SETBP1: variants seen among roughly 807,000 people sequenced by gnomAD.
SETBP1 encodes SET-binding protein.
A neutral mutation model predicts 101.0 loss-of-function variants in SETBP1; 9 were observed. The ratio of observed to expected loss-of-function variants is 0.09; its 90% CI spans 0.05 to 0.16. The LOEUF (loss-of-function observed/expected upper bound fraction) is 0.16. Ranked by LOEUF, SETBP1 falls within the 10% of genes least tolerant of loss-of-function variation. The pLI, the probability that SETBP1 is intolerant of heterozygous loss-of-function variation, is 1.00. For synonymous variants in SETBP1, 818 were observed against 788.5 expected (o/e 1.04, Z -0.63); for missense variants, 1,858 against 2,033.8 (o/e 0.91, Z 1.66).
chr18:44,733,964 G>C (rs1383686649), intron 2 of SETBP1, among the ~76,000 whole-genome samples: 1 of 152,150 alleles, frequency 6.6e-6, no homozygotes, highest in Non-Finnish European at 1.5e-5. Flanking sequence ...GATCTGCCCG[G>C]TCCAAAAGTT....
At chr18:45,004,631 C>T (rs1274379262) in intron 4 of SETBP1, among the ~76,000 whole-genome samples, 4 of 152,220 alleles carry the variant, frequency 2.6e-5, no homozygotes, top group Non-Finnish European at 5.9e-5. Flanking sequence ...CACCTGACAG[C>T]CTTTCCACCA....
At chr18:44,833,289 G>C (rs1230584762) in intron 2 of SETBP1, among the ~76,000 whole-genome samples, 1 of 152,234 alleles carries the variant, frequency 6.6e-6, no homozygotes, top group Non-Finnish European at 1.5e-5. Flanking sequence ...CAGCAGTTGT[G>C]TTTAAGGTGG....
chr18:44,847,521 C>T (rs2072748415), intron 2 of SETBP1, among the ~76,000 whole-genome samples: 2 of 152,168 alleles, frequency 1.3e-5, no homozygotes, highest in South Asian at 4.1e-4. Context: ...TGGCTCGAAG[C>T]AAGCCCATCT....
chr18:45,006,625 C>T (rs1011050728), intron 4 of SETBP1, among the ~76,000 whole-genome samples: 1 of 152,134 alleles, frequency 6.6e-6, no homozygotes, highest in Non-Finnish European at 1.5e-5. Flanking sequence ...ATGGCATTCG[C>T]CCTGTGTACA....
intron 2 of SETBP1, among the ~76,000 whole-genome samples, chr18:44,784,418 A>G (rs1306081408): frequency 6.6e-6 from 1 of 152,176 alleles, no homozygotes; most frequent in South Asian, 2.1e-4. Context: ...ACTTGCTATG[A>G]TCTGTTCTCT....
intron 2 of SETBP1, among the ~76,000 whole-genome samples, chr18:44,777,678 CA>C (rs2071033918): frequency 6.6e-6 from 1 of 152,174 alleles, no homozygotes; most frequent in South Asian, 2.1e-4. Flanking sequence ...AGGAGGAAAG[CA>C]GGGATGCATG....
At chr18:44,790,884 C>A (rs2071357241) in intron 2 of SETBP1, among the ~76,000 whole-genome samples, 1 of 152,256 alleles carries the variant, frequency 6.6e-6, no homozygotes, top group East Asian at 1.9e-4. Context: ...AGAGTCCACC[C>A]TGAACGAACA....
At chr18:44,858,437 G>A (rs2073017423) in intron 2 of SETBP1, among the ~76,000 whole-genome samples, 2 of 152,202 alleles carry the variant, frequency 1.3e-5, no homozygotes, top group African/African-American at 4.8e-5. Context: ...CAATGGCAAA[G>A]CATACAAGCA....
chr18:44,752,875 T>G (rs1222886906), intron 2 of SETBP1, among the ~76,000 whole-genome samples: 2 of 152,194 alleles, frequency 1.3e-5, no homozygotes, highest in Non-Finnish European at 2.9e-5. Flanking sequence ...CAATTTTGTA[T>G]ATATGTGCAT....
At chr18:44,877,276 T>C in intron 3 of SETBP1, 2 of 659,882 alleles carry the variant, frequency 3.0e-6, no homozygotes, top group Non-Finnish European at 3.8e-6. Context: ...TGTCTTATAG[T>C]ATTTTACCAA....
intron 3 of SETBP1, among the ~76,000 whole-genome samples, chr18:44,899,609 C>T (rs1456757834): frequency 1.3e-5 from 2 of 152,164 alleles, no homozygotes. Flanking sequence ...CTTAGAAGAT[C>T]TCACACTTGG....
rs189935307 is a variant in SETBP1, at chr18:44,865,289, G to A, written c.487-3941G>A. Among the ~76,000 whole-genome samples, 553 of 152,226 alleles carry A rather than the reference G, an allele frequency of 3.6e-3. 2 individuals carry two copies. The highest frequency in any genetic ancestry group is 6.0e-3 in the South Asian group (29 of 4,820). Reference sequence around the variant, plus strand: ...CAAACATTGGTTTTCAACTGAAGTCGCATACAAGAACCAGGGAAAAGCAGA... The same window carrying A: ...CAAACATTGGTTTTCAACTGAAGTCACATACAAGAACCAGGGAAAAGCAGA... On this transcript the variant is annotated intron_variant, in intron 2 of 5. Transcript: ENST00000649279.
At position 45,063,758 on chromosome 18, in the gene SETBP1, G is replaced by A. The variant is rs892654087; in HGVS notation, c.*60G>A. 2.4e-5 allele frequency: 37 copies of A among 1,546,818 alleles called. 1 individual carries two copies. In the South Asian group the frequency reaches 3.3e-4, roughly 14 times the overall value. Reference sequence around the variant, plus strand: ...AACTGACACGTGGGAAGCGCAGTGAGCCGGGGCGGGGGCGGAATCCCCCGC... The same window carrying A: ...AACTGACACGTGGGAAGCGCAGTGAACCGGGGCGGGGGCGGAATCCCCCGC... On this transcript the variant is annotated 3_prime_UTR_variant, in exon 6 of 6. Coordinates refer to ENST00000649279, the MANE Select transcript of SETBP1 (RefSeq NM_015559.3).
intron 3 of SETBP1, among the ~76,000 whole-genome samples, chr18:44,898,260 C>T (rs2069955510): frequency 6.6e-6 from 1 of 152,124 alleles, no homozygotes; most frequent in African/African-American, 2.4e-5. Context: ...CACTATTAAG[C>T]ACCAATGGGT....
At chr18:44,763,812 C>T (rs1245587899) in intron 2 of SETBP1, among the ~76,000 whole-genome samples, 1 of 152,176 alleles carries the variant, frequency 6.6e-6, no homozygotes, top group Non-Finnish European at 1.5e-5. Flanking sequence ...TTTATTCTCT[C>T]CATAGCTCAC....
chr18:45,043,365 T>A lies in SETBP1; in HGVS notation c.4171+4710T>A, dbSNP rs563322729. ...TATATCCTTTCTCTCTCTCTCTCTC[T>A]CACACACTCACACACTCACACACAC... On this transcript the variant is annotated intron_variant, in intron 5 of 5. Coordinates refer to ENST00000649279, the MANE Select transcript of SETBP1 (RefSeq NM_015559.3). Among the ~76,000 whole-genome samples, 95 of 144,302 alleles carry A rather than the reference T, an allele frequency of 6.6e-4. No homozygotes were observed. The East Asian group carries it at 0.018, about 27-fold the overall frequency. The allele number at this position is 144,302 out of a possible 152,430, so 94.7% of individuals were successfully genotyped here. A position where few individuals can be genotyped will look rare whatever the true frequency, so the allele number is the denominator to read the frequency against.
intron 5 of SETBP1, among the ~76,000 whole-genome samples, chr18:45,041,906 G>C (rs1017143168): frequency 1.3e-4 from 19 of 151,718 alleles, no homozygotes; most frequent in Admixed American, 1.2e-3. Flanking sequence ...GCAGTGAGCC[G>C]AGATTGCACC....
chr18:44,807,890 T>G (rs1194515224), intron 2 of SETBP1, among the ~76,000 whole-genome samples: 3 of 152,146 alleles, frequency 2.0e-5, no homozygotes, highest in Non-Finnish European at 4.4e-5. Flanking sequence ...GCTGGACATG[T>G]GGGCTGGGTC....
intron 1 of SETBP1, among the ~76,000 whole-genome samples, chr18:44,691,138 G>A (rs886511787): frequency 1.3e-5 from 2 of 152,092 alleles, no homozygotes; most frequent in Non-Finnish European, 2.9e-5. Context: ...ACCTCATGAT[G>A]TCAAACTAAG....
Sources: gnomAD v4.1 joint callset for allele counts (sites outside exome capture counted in the v4.1 genomes callset) on GRCh38, gnomAD v4.1.1 for gene constraint, MANE v1.5 for transcripts, NCBI Gene and HGNC (gene_info 2026-07-23, HGNC 2026-07-21) for gene names.